KIF24: variants seen among roughly 807,000 people sequenced by gnomAD.
KIF24 encodes kinesin family member 24, also known as kinesin-like protein KIF24.
A neutral mutation model predicts 118.9 loss-of-function variants in KIF24; 81 were observed. That is an observed-to-expected ratio of 0.68 (90% CI 0.57 to 0.82). The LOEUF is 0.82. Ranked by LOEUF, KIF24 falls within the 40% of genes least tolerant of loss-of-function variation. The probability of loss-of-function intolerance (pLI) is 0.00; values close to 1 mark genes in which losing one functional copy is unlikely to be tolerated. For synonymous variants in KIF24, 599 were observed against 610.0 expected, an observed-to-expected ratio of 0.98 and a Z score of 0.27; for missense variants, 1,560 against 1,661.6, an observed-to-expected ratio of 0.94 and a Z score of 1.06.
At chr9:34,303,122 C>T (rs757640313) in intron 3 of KIF24, among the ~76,000 whole-genome samples, 6 of 151,476 alleles carry the variant, frequency 4.0e-5, no homozygotes, top group Non-Finnish European at 7.4e-5. Context: ...ACCATGTTAC[C>T]CAGGCTGGTT....
At chr9:34,294,434 G>C (rs868108636) in intron 4 of KIF24, among the ~76,000 whole-genome samples, 9 of 152,130 alleles carry the variant, frequency 5.9e-5, no homozygotes, top group Admixed American at 4.6e-4. Context: ...TACAATCCCA[G>C]CTACTTGGGA....
chr9:34,306,675 G>A (rs1276214184), intron 2 of KIF24, among the ~76,000 whole-genome samples: 1 of 152,012 alleles, frequency 6.6e-6, no homozygotes, highest in South Asian at 2.1e-4. Context: ...AGTGGCGTGC[G>A]CCTGTAATCC....
intron 8 of KIF24, among the ~76,000 whole-genome samples, chr9:34,264,471 C>A (rs1017865491): frequency 2.6e-5 from 4 of 151,854 alleles, no homozygotes; most frequent in Non-Finnish European, 5.9e-5. Flanking sequence ...TGGAAGCAAT[C>A]CCTTGGAATT....
intron 9 of KIF24, among the ~76,000 whole-genome samples, chr9:34,261,596 G>A (rs1835059988): frequency 6.6e-6 from 1 of 152,134 alleles, no homozygotes; most frequent in South Asian, 2.1e-4. Context: ...ATGAAAAGTT[G>A]CAGTTTCACC....
intron 1 of KIF24, among the ~76,000 whole-genome samples, chr9:34,321,258 C>A (rs896543263): frequency 6.6e-5 from 10 of 151,632 alleles, no homozygotes; most frequent in East Asian, 1.9e-4. Flanking sequence ...AGTAGACTAC[C>A]AAAGTGTTTG....
chr9:34,288,248 G>A lies in KIF24; in HGVS notation c.1128-1544C>T, dbSNP rs1836123925. 2.6e-5 allele frequency among the ~76,000 whole-genome samples: 4 copies of A among 151,188 alleles called. No homozygotes were observed. The South Asian group carries it at 8.3e-4, about 31-fold the overall frequency. ...AACCTGTAATCCTAACACTTTGGGA[G>A]GCCTAGAGAGGAGGATTGTTTGAGC... On this transcript the variant is annotated intron_variant, in intron 5 of 12. Coordinates refer to ENST00000402558, the MANE Select transcript of KIF24 (RefSeq NM_194313.4).
At chr9:34,314,892 T>G (rs1241905215) in intron 1 of KIF24, among the ~76,000 whole-genome samples, 1 of 152,186 alleles carries the variant, frequency 6.6e-6, no homozygotes, top group African/African-American at 2.4e-5. Flanking sequence ...GTCCAATATA[T>G]TGTTAATAAA....
chr9:34,261,827 A>G (rs1835068293), intron 9 of KIF24, among the ~76,000 whole-genome samples: 1 of 145,182 alleles, frequency 6.9e-6, no homozygotes, highest in African/African-American at 2.5e-5. Context: ...GCCTGAAGCC[A>G]TTATTTTTTT....
chr9:34,311,713 T>G (rs28478906), intron 1 of KIF24, among the ~76,000 whole-genome samples: 33,058 of 147,752 alleles, frequency 0.22, 4,379 homozygotes, highest in East Asian at 0.61. Context: ...TATATACGTA[T>G]ATATGTATAT....
intron 2 of KIF24, among the ~76,000 whole-genome samples, chr9:34,310,153 T>C (rs1837082472): frequency 6.6e-6 from 1 of 152,200 alleles, no homozygotes; most frequent in African/African-American, 2.4e-5. Flanking sequence ...AATGTCTTAC[T>C]GTTTGTAATC....
At chr9:34,313,738 G>GTTTTTTT (rs5897567) in intron 1 of KIF24, among the ~76,000 whole-genome samples, 3 of 130,360 alleles carry the variant, frequency 2.3e-5, no homozygotes, top group African/African-American at 2.7e-5. Flanking sequence ...CCCGTTATCT[G>GTTTTTTT]TTTTTTTTTT....
rs943968881 is a variant in KIF24 at position 34,271,947 on chromosome 9, C to T, written c.1216-17G>A. The stretch of plus-strand genomic sequence containing the variant: ...TAAGATCACCTGAAAATAAAATCCA[C>T]AGGATGACTTCCCCAAGGAGTAAAC... On this transcript the variant is annotated splice_polypyrimidine_tract_variant and intron_variant, in intron 6 of 12. Transcript: ENST00000402558. The T allele has an allele frequency of 1.3e-6, 2 of 1,572,260 alleles. No individual in the cohort carries two copies. The highest frequency in any genetic ancestry group is 1.2e-5 in the South Asian group (1 of 85,118).
Position 34,306,293 on chromosome 9 carries a change from C to T in KIF24, c.772G>A (p.Glu258Lys), listed in dbSNP as rs780712189. Reference protein sequence around the residue: ...VEDKETLLVHEKKEAVDLTQY... With the variant: ...VEDKETLLVHKKKEAVDLTQY... ...GTGAGGTCAACTGCTTCTTTCTTCT[C>T]ATGCACAAGTAGAGTTTCTTTGTCT... Residue 258 changes from glutamate to lysine, a missense_variant, in exon 3 of 13, where the codon GAG becomes AAG. Glu to Lys is a moderately conservative substitution (Grantham distance 56, BLOSUM62 1). Coordinates refer to ENST00000402558, the MANE Select transcript of KIF24 (RefSeq NM_194313.4). 12 of 1,610,046 alleles carry T rather than the reference C, an allele frequency of 7.5e-6. No homozygotes were observed. The Admixed American group carries it at 2.0e-4, about 27-fold the overall frequency.
At chr9:34,297,171 T>C in intron 3 of KIF24, 57 bp from the exon 4 acceptor site, 1 of 1,027,404 alleles carries the variant, frequency 9.7e-7, no homozygotes, top group Non-Finnish European at 1.5e-6. Context: ...TCTTAATCAC[T>C]ATTCTAGTTA....
chr9:34,290,216 A>G lies in KIF24; in HGVS notation c.1085T>C (p.Ile362Thr). The change falls in exon 5 of 13, where the codon ATT becomes ACT. Residue 362 changes from isoleucine (I) to threonine (T), a missense_variant. This residue lies in a region of KIF24 where 964 missense variants were observed against 988.0 expected (regional missense o/e 0.98). Coordinates refer to ENST00000402558, the MANE Select transcript of KIF24 (RefSeq NM_194313.4). ...HLFVWISFYE[I>T]YCGQLYDLLN... ...GAGGTCATAAAGCTGTCCACAGTAAATTTCATAGAAGCTGATCCACACAAA... is the reference window on the plus strand; with the variant it reads ...GAGGTCATAAAGCTGTCCACAGTAAGTTTCATAGAAGCTGATCCACACAAA... The G allele has an allele frequency of 6.2e-7, 1 of 1,613,848 alleles. No homozygotes were observed. The highest frequency in any genetic ancestry group is 8.5e-7 in the Non-Finnish European group (1 of 1,179,826).
At position 34,256,710 on chromosome 9, in the gene KIF24, T is replaced by C; in HGVS notation, c.2897A>G (p.Gln966Arg). The stretch of plus-strand genomic sequence containing the variant: ...CTCATTCTCCCCAGAAACCTCACTT[T>C]GGGAGGCATCCTTTCTGAGATCAAA... ...SSFDLRKDAS[Q>R]SEVSGENEGN... The change falls in exon 11 of 13, where the codon CAA (glutamine) becomes CGA (arginine). Residue 966 changes from glutamine (Q) to arginine (R), a missense_variant. By Grantham distance (43) the Gln-to-Arg change is conservative. Transcript: ENST00000402558. 6.2e-7 allele frequency: 1 copy of C among 1,614,014 alleles called. No homozygotes were observed. The highest frequency in any genetic ancestry group is 8.5e-7 in the Non-Finnish European group (1 of 1,179,898).
At chr9:34,263,796 C>G (rs1247744610) in intron 8 of KIF24, among the ~76,000 whole-genome samples, 3 of 145,458 alleles carry the variant, frequency 2.1e-5, no homozygotes, top group Non-Finnish European at 3.0e-5. Flanking sequence ...AGGCTGGTCT[C>G]AAACTCCTGG....
intron 6 of KIF24, among the ~76,000 whole-genome samples, chr9:34,280,952 TA>T (rs1025289295): frequency 4.0e-4 from 61 of 152,210 alleles, no homozygotes; most frequent in African/African-American, 1.4e-3. Context: ...AACAGTCCTT[TA>T]AACACCTAGT....
intron 1 of KIF24, among the ~76,000 whole-genome samples, chr9:34,312,275 A>C (rs558349811): frequency 1.3e-5 from 2 of 152,354 alleles, no homozygotes; most frequent in South Asian, 2.1e-4. Context: ...CAAGATTTTA[A>C]ATAGTTGTAT....
Sources: gnomAD v4.1 joint callset for allele counts (sites outside exome capture counted in the v4.1 genomes callset) on GRCh38, gnomAD v4.1.1 for gene constraint, gnomAD v4.1.1 regional missense constraint, MANE v1.5 for transcripts, NCBI Gene and HGNC (gene_info 2026-07-23, HGNC 2026-07-21) for gene names.